OR3A2: variants seen among roughly 807,000 people sequenced by gnomAD.
OR3A2 encodes the protein olfactory receptor 3A2.
For missense variants in OR3A2, 318 were observed against 392.8 expected, an observed-to-expected ratio of 0.81 and a Z score of 1.61; for synonymous variants, 126 against 159.3, an observed-to-expected ratio of 0.79 and a Z score of 1.57.
intron 3 of OR3A2, among the ~76,000 whole-genome samples, chr17:3,320,828 G>C (rs2049115343): frequency 6.6e-6 from 1 of 152,030 alleles, no homozygotes; most frequent in Non-Finnish European, 1.5e-5. Context: ...CTCCAGCTTT[G>C]TTCTTTTGGC....
At chr17:3,292,904 G>T (rs2048888859) in intron 3 of OR3A2, among the ~76,000 whole-genome samples, 1 of 152,068 alleles carries the variant, frequency 6.6e-6, no homozygotes, top group Admixed American at 6.5e-5. Flanking sequence ...TAAGCAAAAA[G>T]TGTACTTCTG....
exon 2 of OR3A2, chr17:3,278,344 A>T: frequency 6.2e-7 from 1 of 1,614,244 alleles, no homozygotes. Context: ...GTGCTGGAGC[A>T]GGAGAGCTGG....
chr17:3,279,960 C>G (rs989237875), intron 1 of OR3A2, among the ~76,000 whole-genome samples: 5 of 152,188 alleles, frequency 3.3e-5, no homozygotes, highest in African/African-American at 1.2e-4. Flanking sequence ...TCTGAAGTAT[C>G]AACTCAACAT....
intron 1 of OR3A2, among the ~76,000 whole-genome samples, chr17:3,384,470 G>C (rs1392367360): frequency 2.6e-5 from 4 of 152,020 alleles, no homozygotes; most frequent in Non-Finnish European, 5.9e-5. Flanking sequence ...TGCCCTCCCT[G>C]TCCCACACAA....
intron 2 of OR3A2, among the ~76,000 whole-genome samples, chr17:3,342,661 C>G (rs536608352): frequency 6.6e-6 from 1 of 152,200 alleles, no homozygotes; most frequent in Non-Finnish European, 1.5e-5. Context: ...AGCTTCGTCT[C>G]AGAGGGCCAC....
At chr17:3,363,930 AACTC>A (rs1249617159) in intron 2 of OR3A2, among the ~76,000 whole-genome samples, 2 of 152,164 alleles carry the variant, frequency 1.3e-5, no homozygotes, top group Non-Finnish European at 2.9e-5. Flanking sequence ...ATCTCATGAG[AACTC>A]ACTCAATATC....
chr17:3,310,311 A>G (rs2049030261), intron 3 of OR3A2: 1 of 532,056 alleles, frequency 1.9e-6, no homozygotes, highest in Admixed American at 1.9e-5. Context: ...GAAGACAGCC[A>G]TGGATCTGGG....
chr17:3,371,322 G>A (rs544964273), intron 2 of OR3A2, among the ~76,000 whole-genome samples: 15 of 151,396 alleles, frequency 9.9e-5, no homozygotes, highest in South Asian at 4.2e-4. Flanking sequence ...AGGGGCGGCC[G>A]GGCAGAAGTG....
At chr17:3,310,393 C>T (rs544507466) in intron 3 of OR3A2, 79 of 535,060 alleles carry the variant, frequency 1.5e-4, no homozygotes, top group South Asian at 1.1e-3. Flanking sequence ...GCTCTACAGC[C>T]CATCCTCTTT....
chr17:3,291,923 G>A, intron 3 of OR3A2: 1 of 1,614,238 alleles, frequency 6.2e-7, no homozygotes, highest in Non-Finnish European at 8.5e-7. Flanking sequence ...CGTGGATATA[G>A]GAGATGACAA....
rs1397852322 is a variant in OR3A2 at position 3,361,009 on chromosome 17, A to G, written c.-179+22795T>C. Among the ~76,000 whole-genome samples the G allele has an allele frequency of 1.3e-5, 2 of 151,488 alleles. 1 individual carries two copies. The highest frequency in any genetic ancestry group is 4.9e-5 in the African/African-American group (2 of 40,812). ...ATTGAATCTATAAATTACCTTGGGC[A>G]GTATGGCCATTTTCACGATATTGAT... On this transcript the variant is annotated intron_variant, in intron 2 of 4. Transcript: ENST00000573491.
chr17:3,298,707 C>T (rs1243220262), intron 3 of OR3A2, among the ~76,000 whole-genome samples: 3 of 152,098 alleles, frequency 2.0e-5, no homozygotes, highest in African/African-American at 4.8e-5. Flanking sequence ...AGGGGGCCCC[C>T]GGAGAGTCCT....
upstream of OR3A2, among the ~76,000 whole-genome samples, chr17:3,288,984 G>T (rs1238349863): frequency 2.6e-5 from 4 of 152,154 alleles, no homozygotes; most frequent in East Asian, 5.8e-4. Context: ...ATATTATGCA[G>T]CCTTTAAAAT....
Position 3,333,194 on chromosome 17 carries a change from T to C in OR3A2, c.-85+2839A>G, listed in dbSNP as rs371221811. Among the ~76,000 whole-genome samples the C allele has an allele frequency of 3.2e-4, 48 of 152,340 alleles. No homozygotes were observed. The East Asian group carries it at 7.7e-3, about 24-fold the overall frequency. On this transcript the variant is annotated intron_variant, in intron 3 of 4. Transcript: ENST00000573491. ...TGCCGCTCTGGGAGCATCTGTCTTATGCAGTTGAGATAAGGACTGAAATAC... is the reference window on the plus strand; with the variant it reads ...TGCCGCTCTGGGAGCATCTGTCTTACGCAGTTGAGATAAGGACTGAAATAC...
chr17:3,307,180 G>A (rs1486043755), intron 3 of OR3A2, among the ~76,000 whole-genome samples: 1 of 152,188 alleles, frequency 6.6e-6, no homozygotes, highest in African/African-American at 2.4e-5. Flanking sequence ...TGGCCCCAGG[G>A]ACTCATAGGC....
At chr17:3,346,543 T>C (rs531976525) in intron 2 of OR3A2, among the ~76,000 whole-genome samples, 7 of 152,314 alleles carry the variant, frequency 4.6e-5, no homozygotes, top group Admixed American at 1.3e-4. Flanking sequence ...AATCCAATTA[T>C]AGCAATTATA....
upstream of OR3A2, among the ~76,000 whole-genome samples, chr17:3,288,427 T>C (rs1284657720): frequency 6.6e-6 from 1 of 152,172 alleles, no homozygotes; most frequent in African/African-American, 2.4e-5. Flanking sequence ...AGGTGTTCAG[T>C]AGGCCATACC....
chr17:3,360,940 C>T (rs1313858996), intron 2 of OR3A2, among the ~76,000 whole-genome samples: 17 of 151,432 alleles, frequency 1.1e-4, no homozygotes, highest in East Asian at 1.9e-4. Flanking sequence ...AGTAGTTTTT[C>T]CCAATTCTGT....
intron 2 of OR3A2, among the ~76,000 whole-genome samples, chr17:3,352,625 G>A (rs1019670075): frequency 2.0e-5 from 3 of 151,978 alleles, no homozygotes; most frequent in African/African-American, 7.2e-5. Context: ...TTCTATGCCA[G>A]TACCATGCTG....
Sources: allele counts gnomAD v4.1 joint callset (sites outside exome capture counted in the v4.1 genomes callset), GRCh38; gene constraint gnomAD v4.1.1; transcripts MANE v1.5; gene names NCBI Gene and HGNC (gene_info 2026-07-23, HGNC 2026-07-21).